Variants in ROS1 observed in about 807,000 individuals in gnomAD.
ROS1 encodes ROS proto-oncogene 1, receptor tyrosine kinase.
Under a neutral mutation model 273.5 loss-of-function variants are expected in ROS1, and 263 were observed. The ratio of observed to expected loss-of-function variants is 0.96; its 90% CI spans 0.87 to 1.06. The LOEUF (loss-of-function observed/expected upper bound fraction) is 1.06, where lower values mean the gene tolerates loss of function less well. Ranked by LOEUF, ROS1 falls within the 50% of genes least tolerant of loss-of-function variation. The pLI, the probability that ROS1 is intolerant of heterozygous loss-of-function variation, is 0.00. For synonymous variants in ROS1, 1,008 were observed against 954.1 expected (o/e 1.06, Z -1.04); for missense variants, 2,833 against 2,751.1 (o/e 1.03, Z -0.67).
chr6:117,374,142 C>T (rs571774850), intron 18 of ROS1, among the ~76,000 whole-genome samples: 52 of 152,188 alleles, frequency 3.4e-4, no homozygotes, highest in Non-Finnish European at 6.0e-4. Context: ...GAGAACAATC[C>T]TAAAATGCAT....
chr6:117,321,123 G>T, intron 36 of ROS1, 136 bp downstream of exon 36: 1 of 862,524 alleles, frequency 1.2e-6, no homozygotes, highest in Non-Finnish European at 1.7e-6. Flanking sequence ...AGTGGAAGAG[G>T]AAGTTATTAA....
At chr6:117,317,060 G>A in intron 39 of ROS1, 83 bp downstream of exon 39, 3 of 1,394,018 alleles carry the variant, frequency 2.2e-6, no homozygotes, top group Non-Finnish European at 9.8e-7. Flanking sequence ...TACCACTGCA[G>A]CCTATTAAAT....
At chr6:117,422,094 T>C (rs1775800655) in intron 1 of ROS1, among the ~76,000 whole-genome samples, 1 of 152,196 alleles carries the variant, frequency 6.6e-6, no homozygotes, top group Non-Finnish European at 1.5e-5. Context: ...GACAGCATCC[T>C]CGACCTCCCT....
chr6:117,425,150 G>T (rs909845947), intron 1 of ROS1, among the ~76,000 whole-genome samples: 1 of 152,124 alleles, frequency 6.6e-6, no homozygotes, highest in Admixed American at 6.5e-5. Flanking sequence ...CTACACAGCT[G>T]GAATTAGCAG....
chr6:117,397,752 C>T (rs780848637), intron 7 of ROS1, among the ~76,000 whole-genome samples: 1 of 152,174 alleles, frequency 6.6e-6, no homozygotes, highest in Non-Finnish European at 1.5e-5. Flanking sequence ...AACAACTGAG[C>T]GTTCACACAC....
chr6:117,376,076 A>C (rs920905195), intron 18 of ROS1, among the ~76,000 whole-genome samples: 2 of 152,060 alleles, frequency 1.3e-5, no homozygotes, highest in African/African-American at 2.4e-5. Flanking sequence ...AAAAATGGAC[A>C]ATCAGAAAAA....
intron 2 of ROS1, among the ~76,000 whole-genome samples, chr6:117,417,303 G>C (rs377459404): frequency 1.3e-5 from 2 of 151,986 alleles, no homozygotes; most frequent in Non-Finnish European, 2.9e-5. Context: ...TCCAAGCCTG[G>C]AACCAGGGTG....
chr6:117,389,648 G>C lies in ROS1; in HGVS notation c.1488C>G (p.Ser496=). 6.2e-7 allele frequency: 1 copy of C among 1,614,188 alleles called. No homozygotes were observed. The highest frequency in any genetic ancestry group is 8.5e-7 in the Non-Finnish European group (1 of 1,180,026). Residue 496 remains serine (S), a synonymous_variant, in exon 13 of 44, where the codon TCC becomes TCG. Transcript: ENST00000368507. ...AGGGGATGCGAGGTAGGATGAGATGGGAAGCAGAGCCATCCAGAAATGTTG... is the reference window on the plus strand; with the variant it reads ...AGGGGATGCGAGGTAGGATGAGATGCGAAGCAGAGCCATCCAGAAATGTTG... ...FMSTFLDGSA[S]HLILPRIPFA...
intron 26 of ROS1, 93 bp downstream of exon 26, chr6:117,356,533 ATAT>A: frequency 9.2e-7 from 1 of 1,081,466 alleles, no homozygotes; most frequent in Non-Finnish European, 1.3e-6. Context: ...TATCATGTGT[ATAT>A]TTGAGTATAC....
intron 21 of ROS1, 37 bp downstream of exon 21, chr6:117,365,023 C>CT: frequency 6.3e-7 from 1 of 1,596,206 alleles, no homozygotes; most frequent in African/African-American, 1.4e-5. Flanking sequence ...TGAGATTCTG[C>CT]TTTTTTAAGA....
At chr6:117,358,468 C>CT (rs112615361) in intron 24 of ROS1, among the ~76,000 whole-genome samples, 8,780 of 147,874 alleles carry the variant, frequency 0.059, 365 homozygotes, top group African/African-American at 0.12. Flanking sequence ...AAACTAGTCC[C>CT]TTTTTTTTTT....
At position 117,389,916 on chromosome 6, in the gene ROS1, T is replaced by G. The variant is rs1004150026; in HGVS notation, c.1290-70A>C. On this transcript the variant is annotated intron_variant, in intron 12 of 43. Transcript: ENST00000368507. ...TTGATGAGTAACCTCCTCAGCTAATTGCTTCATTCTGTTGCACAATCAGAA... is the reference window on the plus strand; with the variant it reads ...TTGATGAGTAACCTCCTCAGCTAATGGCTTCATTCTGTTGCACAATCAGAA... 8.3e-5 allele frequency: 112 copies of G among 1,345,466 alleles called. 1 individual carries two copies. The highest frequency in any genetic ancestry group is 1.0e-5 in the Non-Finnish European group (10 of 979,198). 83.3% of individuals were successfully genotyped at this position (1,345,466 alleles called of 1,614,324 possible). A position where few individuals can be genotyped will look rare whatever the true frequency, so the allele number is the denominator to read the frequency against.
At chr6:117,386,055 G>A (rs1418206354) in intron 15 of ROS1, among the ~76,000 whole-genome samples, 194 bp from the exon 16 acceptor site, 1 of 152,192 alleles carries the variant, frequency 6.6e-6, no homozygotes, top group Non-Finnish European at 1.5e-5. Context: ...GGAGAACAGT[G>A]GATACACATC....
chr6:117,413,315 C>T (rs1775075883), intron 4 of ROS1, among the ~76,000 whole-genome samples: 1 of 152,158 alleles, frequency 6.6e-6, no homozygotes, highest in African/African-American at 2.4e-5. Flanking sequence ...CCAGGATGCT[C>T]TCAAACTCCT....
At chr6:117,413,950 C>T (rs572038810) in intron 4 of ROS1, among the ~76,000 whole-genome samples, 1 of 152,124 alleles carries the variant, frequency 6.6e-6, no homozygotes, top group East Asian at 1.9e-4. Flanking sequence ...CACTGCACTC[C>T]ACCCTGGGTG....
At chr6:117,389,256 T>A in intron 13 of ROS1, 94 bp downstream of exon 13, 2 of 1,413,362 alleles carry the variant, frequency 1.4e-6, no homozygotes, top group Non-Finnish European at 1.9e-6. Flanking sequence ...AATAGCCAAA[T>A]GGGGCTCTCA....
intron 33 of ROS1, among the ~76,000 whole-genome samples, chr6:117,327,729 A>C (rs1582632710): frequency 6.6e-6 from 1 of 152,360 alleles, no homozygotes; most frequent in African/African-American, 2.4e-5. Flanking sequence ...AGAATATTTT[A>C]ATGTGACCTT....
At chr6:117,327,894 T>G (rs139539744) in intron 33 of ROS1, among the ~76,000 whole-genome samples, 3 of 152,148 alleles carry the variant, frequency 2.0e-5, no homozygotes, top group Non-Finnish European at 4.4e-5. Context: ...ATGACAGTGA[T>G]GCACCTACGA....
intron 32 of ROS1, among the ~76,000 whole-genome samples, chr6:117,330,765 A>G (rs544190325): frequency 6.6e-6 from 1 of 152,288 alleles, no homozygotes; most frequent in African/African-American, 2.4e-5. Context: ...AAAACAAATA[A>G]GCAGAAAGTG....
Sources: gnomAD v4.1 joint callset for allele counts (sites outside exome capture counted in the v4.1 genomes callset) on GRCh38, gnomAD v4.1.1 for gene constraint, MANE v1.5 for transcripts, NCBI Gene and HGNC (gene_info 2026-07-23, HGNC 2026-07-21) for gene names.